AKAP13: variants seen among roughly 807,000 people sequenced by gnomAD.
The protein encoded by AKAP13 is A-kinase anchor protein 13.
Under a neutral mutation model 264.5 loss-of-function variants are expected in AKAP13, and 80 were observed. The observed-to-expected ratio is 0.30, with a 90% confidence interval of 0.25 to 0.36. The LOEUF is 0.36. AKAP13 is among the 10% of genes least tolerant of loss of function. The pLI is 1.00. For missense variants in AKAP13, 3,712 were observed against 3,435.2 expected, an observed-to-expected ratio of 1.08 and a Z score of -2.01; for synonymous variants, 1,380 against 1,250.2, an observed-to-expected ratio of 1.10 and a Z score of -2.19.
At chr15:85,686,167 ATGTGTGTGTGTGCACGTGCATGCATGTG>A (rs923062166) in intron 16 of AKAP13, among the ~76,000 whole-genome samples, 4 of 105,534 alleles carry the variant, frequency 3.8e-5, no homozygotes, top group African/African-American at 7.9e-5. Flanking sequence ...GTGTGTGTGT[ATGTGTGTGTGTGCACGTGCATGCATGTG>A]TGTGTGTGTG....
intron 1 of AKAP13, among the ~76,000 whole-genome samples, chr15:85,429,366 C>CA (rs1284192563): frequency 6.6e-6 from 1 of 152,132 alleles, no homozygotes; most frequent in Non-Finnish European, 1.5e-5. Flanking sequence ...AGGGAAGAGT[C>CA]AGAGAGAGGC....
chr15:85,507,142 C>G (rs1245325979), intron 2 of AKAP13, among the ~76,000 whole-genome samples: 1 of 152,094 alleles, frequency 6.6e-6, no homozygotes, highest in African/African-American at 2.4e-5. Context: ...ATCACTGTAA[C>G]TGTATGTTGG....
intron 16 of AKAP13, 113 bp downstream of exon 16, chr15:85,684,986 A>T: frequency 7.7e-7 from 1 of 1,302,384 alleles, no homozygotes; most frequent in Non-Finnish European, 1.0e-6. Flanking sequence ...TAAATTCAGG[A>T]TTACTCTCCG....
At chr15:85,502,725 CT>C (rs1303550662) in intron 2 of AKAP13, among the ~76,000 whole-genome samples, 2 of 152,244 alleles carry the variant, frequency 1.3e-5, no homozygotes, top group African/African-American at 2.4e-5. Flanking sequence ...ACTCATGTAA[CT>C]ATTCGTTAGA....
At chr15:85,533,102 C>G (rs1370959145) in intron 3 of AKAP13, among the ~76,000 whole-genome samples, 3 of 152,144 alleles carry the variant, frequency 2.0e-5, no homozygotes, top group Admixed American at 6.5e-5. Context: ...GCCTTTGTAT[C>G]GTGATAATAA....
intron 1 of AKAP13, among the ~76,000 whole-genome samples, chr15:85,434,165 C>T (rs1255663130): frequency 6.6e-6 from 1 of 152,046 alleles, no homozygotes; most frequent in Admixed American, 6.5e-5. Flanking sequence ...TTGGGAAGTG[C>T]AAGGGGTCAG....
chr15:85,707,906 CAT>C, intron 17 of AKAP13, 111 bp from the exon 18 acceptor site: 1 of 975,522 alleles, frequency 1.0e-6, no homozygotes, highest in Non-Finnish European at 1.6e-6. Context: ...CACATTCTCA[CAT>C]GTGAGTGACT....
chr15:85,501,807 T>C (rs566890017), intron 2 of AKAP13, among the ~76,000 whole-genome samples: 1 of 152,372 alleles, frequency 6.6e-6, no homozygotes, highest in African/African-American at 2.4e-5. Flanking sequence ...ATTGCTCCTC[T>C]GTGTCAGCGT....
At chr15:85,635,954 G>A (rs534748818) in intron 8 of AKAP13, among the ~76,000 whole-genome samples, 1 of 152,138 alleles carries the variant, frequency 6.6e-6, no homozygotes, top group Non-Finnish European at 1.5e-5. Context: ...ATATCACCCC[G>A]GTTTGGTTAG....
chr15:85,655,368 C>T (rs1408210618), intron 10 of AKAP13, 49 bp from the exon 11 acceptor site: 2 of 1,570,812 alleles, frequency 1.3e-6, no homozygotes, highest in Admixed American at 3.5e-5. Flanking sequence ...CTGAGGCTAT[C>T]TGATTGGCCC....
chr15:85,647,304 A>G (rs1354608690), intron 10 of AKAP13, among the ~76,000 whole-genome samples: 1 of 152,218 alleles, frequency 6.6e-6, no homozygotes, highest in African/African-American at 2.4e-5. Flanking sequence ...AGGCTGAAGC[A>G]GGAGAATTGC....
Position 85,580,182 on chromosome 15 carries a change from A to G in AKAP13, c.2114A>G (p.Asp705Gly), listed in dbSNP as rs781128906. Residue 705 changes from aspartate (D) to glycine (G), a missense_variant, in exon 7 of 37, where the codon GAT becomes GGT. Physicochemically the swap from Asp to Gly is moderately conservative, Grantham distance 94. Coordinates refer to ENST00000394518, the MANE Select transcript of AKAP13 (RefSeq NM_007200.5). ...ARQPSSQDPP[D>G]ASHCEDPQAH... Reference sequence around the variant, plus strand: ...CAACCCAGCTCACAAGATCCACCCGATGCCTCCCACTGTGAAGACCCACAG... The same window carrying G: ...CAACCCAGCTCACAAGATCCACCCGGTGCCTCCCACTGTGAAGACCCACAG... 1.3e-5 allele frequency: 21 copies of G among 1,614,086 alleles called. No homozygotes were observed. The highest frequency in any genetic ancestry group is 2.2e-5 in the East Asian group (1 of 44,898).
At chr15:85,600,892 C>A (rs1551972) in intron 8 of AKAP13, among the ~76,000 whole-genome samples, 4 of 152,206 alleles carry the variant, frequency 2.6e-5, no homozygotes, top group African/African-American at 4.8e-5. Flanking sequence ...GACCCTCTTA[C>A]AATTATTGGA....
chr15:85,597,550 G>C (rs546824984), intron 8 of AKAP13, among the ~76,000 whole-genome samples: 32 of 152,312 alleles, frequency 2.1e-4, no homozygotes, highest in African/African-American at 7.7e-4. Flanking sequence ...GGATACAGCT[G>C]AATGTGTACG....
intron 16 of AKAP13, chr15:85,692,008 T>C (rs2085313414): frequency 3.7e-5 from 15 of 403,838 alleles, no homozygotes; most frequent in South Asian, 2.7e-4. Flanking sequence ...CCCATTTTTT[T>C]AAAGGAAGTG....
intron 1 of AKAP13, among the ~76,000 whole-genome samples, chr15:85,443,208 C>T (rs2073772983): frequency 6.6e-6 from 1 of 151,978 alleles, no homozygotes; most frequent in Admixed American, 6.6e-5. Context: ...CCAAGATCCC[C>T]TTATGTCCTA....
chr15:85,702,617 A>T (rs191861216), intron 17 of AKAP13: 2 of 152,158 alleles, frequency 1.3e-5, no homozygotes, highest in African/African-American at 2.4e-5. Context: ...TGACCCCTGG[A>T]TAGAGCTTCA....
At chr15:85,703,321 T>G (rs1166729668) in intron 17 of AKAP13, among the ~76,000 whole-genome samples, 2 of 152,232 alleles carry the variant, frequency 1.3e-5, no homozygotes, top group African/African-American at 4.8e-5. Context: ...GCAATTCTTT[T>G]TTAAGCAGAA....
At chr15:85,665,798 C>G (rs907581236) in intron 13 of AKAP13, among the ~76,000 whole-genome samples, 1 of 152,072 alleles carries the variant, frequency 6.6e-6, no homozygotes, top group South Asian at 2.1e-4. Context: ...CTGTCCTTAG[C>G]GATAGTTTAC....
Sources: gnomAD v4.1 joint callset for allele counts (sites outside exome capture counted in the v4.1 genomes callset) on GRCh38, gnomAD v4.1.1 for gene constraint, MANE v1.5 for transcripts, NCBI Gene and HGNC (gene_info 2026-07-23, HGNC 2026-07-21) for gene names.